Variants in ACP7 observed in about 807,000 individuals in gnomAD.
ACP7 encodes acid phosphatase 7, tartrate resistant (putative).
A neutral mutation model predicts 60.6 loss-of-function variants in ACP7; 58 were observed. The observed-to-expected ratio is 0.96, with a 90% CI of 0.77 to 1.19. The LOEUF (loss-of-function observed/expected upper bound fraction) is 1.19, where lower values mean the gene tolerates loss of function less well. Ranked by LOEUF, ACP7 falls within the 50% of genes most tolerant of loss-of-function variation. The pLI, the probability that ACP7 is intolerant of heterozygous loss-of-function variation, is 0.00. For missense variants in ACP7, 574 were observed against 596.2 expected (o/e 0.96, Z 0.39); for synonymous variants, 237 against 232.6 (o/e 1.02, Z -0.17).
intron 2 of ACP7, among the ~76,000 whole-genome samples, chr19:39,092,370 G>GTATATATA (rs59033785): frequency 3.5e-3 from 524 of 149,230 alleles, no homozygotes; most frequent in Middle Eastern, 6.9e-3. Flanking sequence ...GCGAAACTCT[G>GTATATATA]TATATATATA....
rs200267434 is a variant in ACP7, at chr19:39,110,106, G to T, written c.1305G>T (p.Arg435Ser). ...VWVVRPLFGRRMYL is the reference protein window; with the variant it reads ...VWVVRPLFGRSMYL ...TGGTGAGACCCCTGTTTGGCCGGAG[G>T]ATGTACCTCTAGGGATGGCGGCAGC... The change falls in exon 13 of 13, where the codon AGG becomes AGT. Residue 435 changes from arginine to serine, a missense_variant. Transcript: ENST00000331256. 1.6e-5 allele frequency: 26 copies of T among 1,613,788 alleles called. No homozygotes were observed. In the East Asian group the frequency reaches 5.8e-4, roughly 36 times the overall value.
At chr19:39,098,769 C>CAGAT in intron 3 of ACP7, 111 bp downstream of exon 3, 1 of 1,365,970 alleles carries the variant, frequency 7.3e-7, no homozygotes, top group African/African-American at 1.5e-5. Context: ...ACTCCACTGC[C>CAGAT]TATCTGCAAG....
rs141534078 is a variant in ACP7, at chr19:39,096,012, C to G, written c.122-2446C>G. 2.0e-3 allele frequency among the ~76,000 whole-genome samples: 298 copies of G among 152,300 alleles called. 4 individuals carry two copies. In the East Asian group the frequency reaches 0.049, roughly 25 times the overall value. On this transcript the variant is annotated intron_variant, in intron 2 of 12. Coordinates refer to ENST00000331256, the MANE Select transcript of ACP7 (RefSeq NM_001004318.3). ...GGACCCTGGGCCCTGCCCATGAAACCATTTTTTCCTCCTAGACCTCTGGGT... is the reference window on the plus strand; with the variant it reads ...GGACCCTGGGCCCTGCCCATGAAACGATTTTTTCCTCCTAGACCTCTGGGT...
At chr19:39,102,408 G>C (rs2073357695) in intron 11 of ACP7, among the ~76,000 whole-genome samples, 1 of 148,820 alleles carries the variant, frequency 6.7e-6, no homozygotes, top group Non-Finnish European at 1.5e-5. Context: ...ACGGAGTCTT[G>C]CTCTGTTGCC....
At chr19:39,100,479 G>A in intron 5 of ACP7, 101 bp from the exon 6 acceptor site, 1 of 1,601,688 alleles carries the variant, frequency 6.2e-7, no homozygotes, top group South Asian at 1.1e-5. Flanking sequence ...AGATGGGGGT[G>A]GGCTGGAAGC....
chr19:39,098,136 A>G (rs2073287929), intron 2 of ACP7, among the ~76,000 whole-genome samples: 1 of 151,578 alleles, frequency 6.6e-6, no homozygotes, highest in Non-Finnish European at 1.5e-5. Context: ...TTGTAATCCC[A>G]GCTACTCGGG....
chr19:39,090,336 G>A (rs924730648), intron 2 of ACP7, among the ~76,000 whole-genome samples: 3 of 151,888 alleles, frequency 2.0e-5, no homozygotes, highest in African/African-American at 7.3e-5. Context: ...GCCTGGCCAA[G>A]TTTTTGTAAT....
chr19:39,094,961 T>C (rs1016628529), intron 2 of ACP7, among the ~76,000 whole-genome samples: 4 of 152,098 alleles, frequency 2.6e-5, no homozygotes, highest in Non-Finnish European at 5.9e-5. Context: ...TCAGATCTCA[T>C]GAGACTTATT....
chr19:39,104,308 TA>T (rs540285419), intron 11 of ACP7, among the ~76,000 whole-genome samples: 53 of 147,734 alleles, frequency 3.6e-4, no homozygotes, highest in African/African-American at 7.2e-4. Flanking sequence ...ATTGCTTACT[TA>T]AAAAAAAAAG....
At position 39,110,430 on chromosome 19, in the gene ACP7, A is replaced by T. The variant is rs138881753; in HGVS notation, c.*312A>T. 6.4e-5 allele frequency: 20 copies of T among 311,956 alleles called. No individual in the cohort carries two copies. The highest frequency in any genetic ancestry group is 4.1e-4 in the African/African-American group (19 of 46,800). 19.3% of individuals were successfully genotyped at this position (311,956 alleles called of 1,614,324 possible). A position where few individuals can be genotyped will look rare whatever the true frequency, so the allele number is the denominator to read the frequency against. ...AGGTGCCCACGGGGCTTCAGGAATG[A>T]AGAGGCTTAAGCTCTGGCTCCATGG... On this transcript the variant is annotated 3_prime_UTR_variant, in exon 13 of 13. Coordinates refer to ENST00000331256, the MANE Select transcript of ACP7 (RefSeq NM_001004318.3).
In ACP7 at chr19:39,109,685, T is replaced by TAAAAAA. The variant is rs34682645; in HGVS notation, c.1252-349_1252-344dup. 1.7e-4 allele frequency among the ~76,000 whole-genome samples: 11 copies of TAAAAAA among 65,502 alleles called. 1 individual carries two copies. Among genetic ancestry groups the TAAAAAA allele is most frequent in the African/African-American group, 7.3e-4 (10 of 13,742 alleles). The allele number at this position is 65,502 out of a possible 152,430, so 43.0% of individuals were successfully genotyped here. A position where few individuals can be genotyped will look rare whatever the true frequency, so the allele number is the denominator to read the frequency against. ...CTGGGTGACAGAGCAAGACTCTGTC[T>TAAAAAA]AAAAAAAAAAAAAAAAAAAAAAAAG... On this transcript the variant is annotated intron_variant, in intron 12 of 12. Transcript: ENST00000331256.
In ACP7 at chr19:39,107,069, G is replaced by A. The variant is rs1364127268; in HGVS notation, c.1236G>A (p.Gln412=). Residue 412 remains glutamine (Q), a synonymous_variant, in exon 12 of 13, where the codon CAG becomes CAA. Coordinates refer to ENST00000331256, the MANE Select transcript of ACP7 (RefSeq NM_001004318.3). ...ILNGTHIHIQ[Q]VSDDQDGKIV... The stretch of plus-strand genomic sequence containing the variant: ...ACGGGACCCACATCCACATCCAGCA[G>A]GTGTCGGACGACCAGGTCAGTGAGG... 2.2e-5 allele frequency: 35 copies of A among 1,613,870 alleles called. No homozygotes were observed. The East Asian group carries it at 7.8e-4, about 36-fold the overall frequency.
At chr19:39,091,241 C>CTTG (rs2073201158) in intron 2 of ACP7, among the ~76,000 whole-genome samples, 2 of 151,562 alleles carry the variant, frequency 1.3e-5, no homozygotes. Context: ...CAGCTCACAG[C>CTTG]AACCTCCGCC....
At chr19:39,086,545 G>A (rs890281880) in intron 2 of ACP7, among the ~76,000 whole-genome samples, 1 of 149,670 alleles carries the variant, frequency 6.7e-6, no homozygotes, top group South Asian at 2.1e-4. Flanking sequence ...CAAGAGGATC[G>A]CTTGAGCCCA....
At chr19:39,092,141 G>A in intron 2 of ACP7, among the ~76,000 whole-genome samples, 1 of 152,078 alleles carries the variant, frequency 6.6e-6, no homozygotes, top group Non-Finnish European at 1.5e-5. Context: ...GGGAGGCAGA[G>A]GCAGGTGGAT....
rs543860100 is a variant in ACP7 at position 39,085,085 on chromosome 19, T to G, written c.-178-7T>G. On this transcript the variant is annotated splice_polypyrimidine_tract_variant and splice_region_variant and intron_variant, in intron 1 of 12. Coordinates refer to ENST00000331256, the MANE Select transcript of ACP7 (RefSeq NM_001004318.3). ...TAGCGATTCTTATTTTTGGTTTCTC[T>G]CTCCAGCACCTGGATAACCACCCAT... 2.9e-6 allele frequency: 2 copies of G among 682,940 alleles called. No individual in the cohort carries two copies. The highest frequency in any genetic ancestry group is 4.6e-6 in the Non-Finnish European group (2 of 431,454). 42.3% of individuals were successfully genotyped at this position (682,940 alleles called of 1,614,324 possible).
chr19:39,096,319 C>G (rs1375160181), intron 2 of ACP7, among the ~76,000 whole-genome samples: 1 of 152,164 alleles, frequency 6.6e-6, no homozygotes, highest in African/African-American at 2.4e-5. Context: ...CCTAAATCAT[C>G]TCTCTCAAGT....
intron 3 of ACP7, 101 bp from the exon 4 acceptor site, chr19:39,098,859 G>C: frequency 6.7e-7 from 1 of 1,501,902 alleles, no homozygotes; most frequent in Non-Finnish European, 9.0e-7. Flanking sequence ...GCCCCCACCA[G>C]TCCCCCCATC....
At chr19:39,100,467 G>A (rs2073326558) in intron 5 of ACP7, 113 bp from the exon 6 acceptor site, 2 of 1,601,762 alleles carry the variant, frequency 1.2e-6, no homozygotes, top group Admixed American at 1.7e-5. Context: ...GGTAGCAAGA[G>A]GAGATGGGGG....
Sources: allele counts gnomAD v4.1 joint callset (sites outside exome capture counted in the v4.1 genomes callset), GRCh38; gene constraint gnomAD v4.1.1; transcripts MANE v1.5; gene names NCBI Gene and HGNC (gene_info 2026-07-23, HGNC 2026-07-21).